CHDH: variants seen among roughly 807,000 people sequenced by gnomAD.
The protein encoded by CHDH is choline dehydrogenase.
A neutral mutation model predicts 56.9 loss-of-function variants in CHDH; 43 were observed. The ratio of observed to expected loss-of-function variants is 0.76; its 90% CI spans 0.59 to 0.97. The LOEUF (loss-of-function observed/expected upper bound fraction) is 0.97. Ranked by LOEUF, CHDH falls within the 50% of genes least tolerant of loss-of-function variation. CHDH has a pLI of 0.00. For missense variants in CHDH, 816 were observed against 821.1 expected, an observed-to-expected ratio of 0.99 and a Z score of 0.08; for synonymous variants, 364 against 348.5, an observed-to-expected ratio of 1.04 and a Z score of -0.50.
At chr3:53,822,416 C>T in intron 4 of CHDH, 75 bp downstream of exon 4, 1 of 1,422,094 alleles carries the variant, frequency 7.0e-7, no homozygotes, top group Non-Finnish European at 9.7e-7. Context: ...GGCGTGACTC[C>T]TGCCCACTCT....
rs199725115 is a variant in CHDH at position 53,822,534 on chromosome 3, C to A, written c.812G>T (p.Arg271Leu). 3 of 1,613,640 alleles carry A rather than the reference C, an allele frequency of 1.9e-6. No individual in the cohort carries two copies. The East Asian group carries it at 6.7e-5, about 36-fold the overall frequency. The change falls in exon 4 of 9, where the codon CGT (arginine) becomes CTT (leucine). Residue 271 changes from arginine (R) to leucine (L), a missense_variant. By Grantham distance (102) the Arg-to-Leu change is moderately radical (BLOSUM62 -2). Transcript: ENST00000315251. ...CTTGACATACTCCACGCCCACTGCA[C>A]GGGTGCCCTCAAATAGCACCCTGCT... ...LVSRVLFEGTRAVGVEYVKNG... is the reference protein window; with the variant it reads ...LVSRVLFEGTLAVGVEYVKNG...
chr3:53,839,383 G>C (rs1290043106), intron 2 of CHDH, among the ~76,000 whole-genome samples: 3 of 152,204 alleles, frequency 2.0e-5, no homozygotes, highest in Admixed American at 1.3e-4. Flanking sequence ...TCCAAGTATA[G>C]AATGGATAAA....
At chr3:53,827,558 C>T (rs1292293285) in intron 2 of CHDH, among the ~76,000 whole-genome samples, 4 of 152,086 alleles carry the variant, frequency 2.6e-5, no homozygotes, top group African/African-American at 9.7e-5. Context: ...CTTGAGGCTG[C>T]AGAGAGGTAT....
rs376898513 is a variant in CHDH at position 53,818,955 on chromosome 3, G to A, written c.1349C>T (p.Pro450Leu). The stretch of plus-strand genomic sequence containing the variant: ...TGAAGTACCTGTTGACAAGTAGTTG[G>A]GCTGGATCACAGGGTGGTCTTGGGG... Reference protein sequence around the residue: ...ANPQDHPVIQPNYLSTETDIE... With the variant: ...ANPQDHPVIQLNYLSTETDIE... Residue 450 changes from proline to leucine, a missense_variant, in exon 8 of 9, where the codon CCC becomes CTC. Transcript: ENST00000315251. The A allele has an allele frequency of 3.1e-6, 5 of 1,612,232 alleles. No homozygotes were observed. In the African/African-American group the frequency reaches 6.7e-5, roughly 22 times the overall value.
intron 1 of CHDH, chr3:53,844,518 C>CCTCCT (rs1698788008): frequency 6.5e-6 from 1 of 153,164 alleles, no homozygotes; most frequent in African/African-American, 2.4e-5. Context: ...AGGGCTCTAT[C>CCTCCT]CTCCTCTCCT....
chr3:53,836,528 C>T (rs1230811575), intron 2 of CHDH, among the ~76,000 whole-genome samples: 1 of 152,250 alleles, frequency 6.6e-6, no homozygotes, highest in Admixed American at 6.5e-5. Context: ...TCACCACTGA[C>T]CACATCCATC....
intron 6 of CHDH, among the ~76,000 whole-genome samples, chr3:53,820,252 A>G (rs144289689): frequency 2.3e-4 from 35 of 152,274 alleles, no homozygotes; most frequent in Admixed American, 3.9e-4. Context: ...GCCCTGGGCC[A>G]AGCTCCTTGG....
rs148491514 is a variant in CHDH, at chr3:53,820,906, C to CT, written c.986-299dup. The stretch of plus-strand genomic sequence containing the variant: ...GCAGCCCCCTCTGTGAGGGCAGGGC[C>CT]TACGCCTTCAGCAGGCACTGCTTGG... On this transcript the variant is annotated intron_variant, in intron 5 of 8. Transcript: ENST00000315251. 4.7e-3 allele frequency among the ~76,000 whole-genome samples: 721 copies of CT among 152,386 alleles called. 10 individuals carry two copies. The highest frequency in any genetic ancestry group is 0.016 in the African/African-American group (686 of 41,596).
At chr3:53,832,584 G>A (rs1265905524) in intron 2 of CHDH, among the ~76,000 whole-genome samples, 1 of 152,108 alleles carries the variant, frequency 6.6e-6, no homozygotes, top group Non-Finnish European at 1.5e-5. Context: ...ATAAAATGTG[G>A]TATGTACATA....
chr3:53,833,077 T>G (rs1381226359), intron 2 of CHDH, among the ~76,000 whole-genome samples: 1 of 152,238 alleles, frequency 6.6e-6, no homozygotes, highest in Admixed American at 6.5e-5. Context: ...TCACATTTTA[T>G]TTCTTGATCT....
chr3:53,819,613 G>A lies in CHDH; in HGVS notation c.1182C>T (p.Pro394=), dbSNP rs749195979. Residue 394 remains proline (P), a synonymous_variant, in exon 7 of 9, where the codon CCC becomes CCT. Coordinates refer to ENST00000315251, the MANE Select transcript of CHDH (RefSeq NM_018397.5). This position sits in a 1 kb window ranked among gnomAD's most constrained non-coding sequence, Gnocchi z 5.4. ...GGFIRSQPGV[P]HPDIQFHFLP... ...GGAAATGGAACTGGATGTCCGGGTG[G>A]GGGACCCCAGGCTGGCTGCGGATGA... 3 of 1,612,762 alleles carry A rather than the reference G, an allele frequency of 1.9e-6. No homozygotes were observed. The highest frequency in any genetic ancestry group is 3.3e-5 in the Admixed American group (2 of 59,932).
chr3:53,821,352 C>G (rs534345096), intron 5 of CHDH, among the ~76,000 whole-genome samples: 1 of 152,308 alleles, frequency 6.6e-6, no homozygotes, highest in African/African-American at 2.4e-5. Flanking sequence ...CCTGGTGACA[C>G]GCCCATGCCC....
chr3:53,831,632 C>T (rs1324122884), intron 2 of CHDH, among the ~76,000 whole-genome samples: 1 of 152,304 alleles, frequency 6.6e-6, no homozygotes, highest in East Asian at 1.9e-4. Context: ...AAAATATTTG[C>T]AAACCATATA....
chr3:53,823,801 G>A lies in CHDH; in HGVS notation c.208C>T (p.Leu70=), dbSNP rs774867223. Residue 70 remains leucine, a synonymous_variant, in exon 3 of 9, where the codon CTG becomes TTG. Transcript: ENST00000315251. ...TEDPAERVLL[L]EAGPKDVLAG... ...AGCACGTCCTTGGGCCCGGCCTCCA[G>A]CAGCAGCACGCGCTCGGCGGGGTCC... 3 of 1,580,104 alleles carry A rather than the reference G, an allele frequency of 1.9e-6. No individual in the cohort carries two copies. Among genetic ancestry groups the A allele is most frequent in the Non-Finnish European group, 1.7e-6 (2 of 1,167,178 alleles).
chr3:53,827,379 T>A (rs559754057), intron 2 of CHDH, among the ~76,000 whole-genome samples: 1 of 152,194 alleles, frequency 6.6e-6, no homozygotes, highest in Non-Finnish European at 1.5e-5. Context: ...ATGTTTCCTG[T>A]AAAGCCTGTG....
chr3:53,839,118 C>T lies in CHDH; in HGVS notation c.-60+1811G>A, dbSNP rs1413738832. ...GATATGGGCGAGGGTCAGCTGGGGA[C>T]TCACCAAGGTGACTTCACACACATG... On this transcript the variant is annotated intron_variant, in intron 2 of 8. Transcript: ENST00000315251. Among the ~76,000 whole-genome samples, 3 of 152,316 alleles carry T rather than the reference C, an allele frequency of 2.0e-5. No homozygotes were observed. The East Asian group carries it at 5.8e-4, about 29-fold the overall frequency.
rs1420198887 is a variant in CHDH at position 53,823,463 on chromosome 3, G to A, written c.546C>T (p.Gly182=). The change falls in exon 3 of 9, where the codon GGC becomes GGT. Residue 182 remains glycine, a synonymous_variant. Transcript: ENST00000315251. ...GGGACACCCGCAGCGGGCCATCGGC[G>A]CCCCGGTACCGGCTGGCGCCCAGCT... ...GHELGASRYR[G]ADGPLRVSRG... 13 of 1,555,768 alleles carry A rather than the reference G, an allele frequency of 8.4e-6. No homozygotes were observed. The highest frequency in any genetic ancestry group is 1.1e-5 in the Non-Finnish European group (13 of 1,150,786).
chr3:53,841,339 C>A (rs1396840090), intron 1 of CHDH, among the ~76,000 whole-genome samples: 1 of 152,146 alleles, frequency 6.6e-6, no homozygotes, highest in Admixed American at 6.6e-5. Context: ...TCTGCTGCGC[C>A]GACTCCAGTA....
intron 2 of CHDH, among the ~76,000 whole-genome samples, chr3:53,825,225 C>T (rs1345596781): frequency 6.6e-6 from 1 of 152,108 alleles, no homozygotes; most frequent in Non-Finnish European, 1.5e-5. Flanking sequence ...GTCTAGCATT[C>T]AATAAAAAAT....
Sources: gnomAD v4.1 joint callset for allele counts (sites outside exome capture counted in the v4.1 genomes callset) on GRCh38, gnomAD v4.1.1 for gene constraint, Gnocchi (gnomAD v3.1) non-coding constraint, MANE v1.5 for transcripts, NCBI Gene and HGNC (gene_info 2026-07-23, HGNC 2026-07-21) for gene names.